The following DLG2 variants were observed in gnomAD, a reference collection of about 807,000 sequenced individuals.
DLG2 encodes the protein disks large homolog 2.
DLG2 carries 45 observed loss-of-function variants against 132.5 expected under a neutral mutation model. The ratio of observed to expected loss-of-function variants is 0.34; its 90% CI spans 0.27 to 0.44. DLG2 has a LOEUF of 0.44. Ranked by LOEUF, DLG2 falls within the 20% of genes least tolerant of loss-of-function variation. DLG2 has a pLI of 1.00. For synonymous variants in DLG2, 424 were observed against 419.6 expected, an observed-to-expected ratio of 1.01 and a Z score of -0.13; for missense variants, 1,045 against 1,196.9, an observed-to-expected ratio of 0.87 and a Z score of 1.87.
Position 85,467,769 on chromosome 11 carries a change from A to C in DLG2, c.40+130888T>G, listed in dbSNP as rs535350723. ...TCATCAGGGATATAGGCCTAAAATT[A>C]TCTTTTTTTGTTATGTCTCTGCCAG... On this transcript the variant is annotated intron_variant, in intron 3 of 27. Transcript: ENST00000376104. 2.0e-5 allele frequency among the ~76,000 whole-genome samples: 3 copies of C among 152,176 alleles called. No individual in the cohort carries two copies. In the South Asian group the frequency reaches 6.2e-4, roughly 32 times the overall value.
At chr11:83,805,830 C>A (rs79934705) in intron 17 of DLG2, among the ~76,000 whole-genome samples, 1,578 of 152,180 alleles carry the variant, frequency 0.01, 27 homozygotes, top group African/African-American at 0.036. Context: ...TATGAGGGAA[C>A]GTTAGAGTGG....
chr11:83,945,836 G>GTGTA (rs1250248223), intron 14 of DLG2, among the ~76,000 whole-genome samples: 1 of 151,358 alleles, frequency 6.6e-6, no homozygotes, highest in Non-Finnish European at 1.5e-5. Context: ...GTGTGTGTGT[G>GTGTA]TGTGTGTGTT....
chr11:85,116,545 A>G (rs943573015), intron 5 of DLG2, among the ~76,000 whole-genome samples: 1 of 152,046 alleles, frequency 6.6e-6, no homozygotes, highest in Non-Finnish European at 1.5e-5. Flanking sequence ...TTAAAAAATT[A>G]TTCTGGCAAA....
At chr11:84,474,348 CAAT>C (rs1200983377) in intron 7 of DLG2, among the ~76,000 whole-genome samples, 3 of 152,056 alleles carry the variant, frequency 2.0e-5, no homozygotes, top group Non-Finnish European at 2.9e-5. Context: ...ATCCTCACAA[CAAT>C]GATTTGATGA....
rs182870540 is a variant in DLG2 at position 85,350,733 on chromosome 11, A to G, written c.41-65368T>C. Among the ~76,000 whole-genome samples the G allele has an allele frequency of 1.4e-4, 21 of 152,158 alleles. 1 individual carries two copies. The highest frequency in any genetic ancestry group is 4.1e-4 in the African/African-American group (17 of 41,524). On this transcript the variant is annotated intron_variant, in intron 3 of 27. Coordinates refer to ENST00000376104, the MANE Select transcript of DLG2 (RefSeq NM_001142699.3). The stretch of plus-strand genomic sequence containing the variant: ...CAGATGGTTGTAGATGTGTGGTATT[A>G]TTTCTGAGGCCTCTGTTCTGTTCCA...
chr11:83,590,231 T>A (rs1227595158), intron 19 of DLG2, among the ~76,000 whole-genome samples: 1 of 151,260 alleles, frequency 6.6e-6, no homozygotes, highest in African/African-American at 2.4e-5. Context: ...ATTGACCACA[T>A]AGTTGGAAGT....
intron 3 of DLG2, among the ~76,000 whole-genome samples, chr11:85,505,099 A>C (rs1025844240): frequency 6.6e-6 from 1 of 152,048 alleles, no homozygotes; most frequent in Non-Finnish European, 1.5e-5. Context: ...GAATTTGCTT[A>C]TCAGGTTAAG....
chr11:85,553,942 T>C (rs958394272), intron 3 of DLG2, among the ~76,000 whole-genome samples: 3 of 151,338 alleles, frequency 2.0e-5, no homozygotes, highest in Non-Finnish European at 3.0e-5. Flanking sequence ...TATATGGATA[T>C]ACAGAATATT....
chr11:83,720,738 C>CTT (rs10690118), intron 18 of DLG2: 16,836 of 123,958 alleles, frequency 0.14, 2,223 homozygotes, highest in African/African-American at 0.34. Context: ...TCAGCCCTCC[C>CTT]TTTTTTTTTT....
At chr11:84,889,294 A>C (rs776028053) in intron 6 of DLG2, among the ~76,000 whole-genome samples, 2 of 152,126 alleles carry the variant, frequency 1.3e-5, no homozygotes, top group Non-Finnish European at 2.9e-5. Context: ...AAACAGTATA[A>C]GAATGCATTA....
intron 6 of DLG2, among the ~76,000 whole-genome samples, chr11:84,710,115 T>A (rs1454502471): frequency 6.6e-6 from 1 of 151,956 alleles, no homozygotes; most frequent in Non-Finnish European, 1.5e-5. Context: ...TATAGATTAA[T>A]TTTGAATAGC....
intron 6 of DLG2, among the ~76,000 whole-genome samples, chr11:84,855,715 T>C (rs908713425): frequency 3.3e-5 from 5 of 152,090 alleles, no homozygotes; most frequent in Non-Finnish European, 5.9e-5. Context: ...GTAGCTTCAT[T>C]AATACATTCT....
At chr11:84,124,891 C>T (rs1421773040) in intron 9 of DLG2, among the ~76,000 whole-genome samples, 1 of 126,614 alleles carries the variant, frequency 7.9e-6, no homozygotes, top group African/African-American at 2.9e-5. Flanking sequence ...GCTCTTGTTG[C>T]CCAGGCTGGA....
At chr11:84,040,711 T>G (rs1566169053) in intron 11 of DLG2, among the ~76,000 whole-genome samples, 1 of 150,612 alleles carries the variant, frequency 6.6e-6, no homozygotes. Context: ...CGGGCTCTTT[T>G]TTGGTTCCAT....
intron 6 of DLG2, among the ~76,000 whole-genome samples, chr11:85,017,842 G>T (rs11234267): frequency 0.013 from 2,002 of 152,194 alleles, 42 homozygotes; most frequent in African/African-American, 0.045. Context: ...GGTCATCACC[G>T]TCATCTGTTC....
intron 20 of DLG2, among the ~76,000 whole-genome samples, chr11:83,536,384 AG>A (rs2095876768): frequency 6.6e-6 from 1 of 152,162 alleles, no homozygotes. Flanking sequence ...AGAGGCTTGC[AG>A]TACTGCTTCT....
At chr11:84,417,159 G>A (rs1391278730) in intron 7 of DLG2, among the ~76,000 whole-genome samples, 1 of 152,192 alleles carries the variant, frequency 6.6e-6, no homozygotes, top group Non-Finnish European at 1.5e-5. Context: ...ATGGATGGAT[G>A]GAGATATGCT....
intron 3 of DLG2, among the ~76,000 whole-genome samples, chr11:85,324,092 C>A (rs1017495064): frequency 6.6e-6 from 1 of 152,090 alleles, no homozygotes; most frequent in Non-Finnish European, 1.5e-5. Context: ...TAAGTGACAT[C>A]GTCCTTGCTT....
intron 8 of DLG2, among the ~76,000 whole-genome samples, chr11:84,240,654 G>A (rs932032379): frequency 6.6e-6 from 1 of 152,126 alleles, no homozygotes; most frequent in African/African-American, 2.4e-5. Context: ...CTAAAAGATG[G>A]GAATGGAGGA....
Sources: gnomAD v4.1 joint callset for allele counts (sites outside exome capture counted in the v4.1 genomes callset) on GRCh38, gnomAD v4.1.1 for gene constraint, MANE v1.5 for transcripts, NCBI Gene and HGNC (gene_info 2026-07-23, HGNC 2026-07-21) for gene names.